TMED3: variants seen among roughly 807,000 people sequenced by gnomAD.
TMED3 encodes the protein transmembrane p24 trafficking protein 3, also known as transmembrane emp24 domain-containing protein 3.
TMED3 carries 9 observed loss-of-function variants against 15.0 expected under a neutral mutation model. The ratio of observed to expected loss-of-function variants is 0.60; its 90% CI spans 0.36 to 1.04. TMED3 has a LOEUF of 1.04. Ranked by LOEUF, TMED3 falls within the 50% of genes least tolerant of loss-of-function variation. TMED3 has a pLI of 0.01. For missense variants in TMED3, 267 were observed against 278.9 expected (o/e 0.96, Z 0.30); for synonymous variants, 117 against 121.4 (o/e 0.96, Z 0.24).
At chr15:79,353,340 A>G (rs1267824855) in intron 2 of TMED3, among the ~76,000 whole-genome samples, 1 of 85,592 alleles carries the variant, frequency 1.2e-5, no homozygotes, top group African/African-American at 4.7e-5. Flanking sequence ...TATATTATGT[A>G]TATAAAATAT....
Position 79,311,234 on chromosome 15 carries a change from C to A in TMED3, c.-16C>A. The A allele has an allele frequency of 6.3e-7, 1 of 1,588,726 alleles. No individual in the cohort carries two copies. Among genetic ancestry groups the A allele is most frequent in the Non-Finnish European group, 8.5e-7 (1 of 1,171,282 alleles). Reference sequence around the variant, plus strand: ...AGCGCCCGAGCCGCGGCCCTCGAGACGGGACCGAGAGCATCATGGGCAGCA... The same window carrying A: ...AGCGCCCGAGCCGCGGCCCTCGAGAAGGGACCGAGAGCATCATGGGCAGCA... On this transcript the variant is annotated 5_prime_UTR_variant, in exon 1 of 3. Transcript: ENST00000299705.
chr15:79,409,674 T>C (rs1567041923), intron 2 of TMED3, among the ~76,000 whole-genome samples: 1 of 152,220 alleles, frequency 6.6e-6, no homozygotes, highest in Non-Finnish European at 1.5e-5. Context: ...GTCTGAATGT[T>C]TTCCTCAGCC....
At chr15:79,389,686 T>C (rs936109142) in intron 2 of TMED3, among the ~76,000 whole-genome samples, 3 of 152,196 alleles carry the variant, frequency 2.0e-5, no homozygotes, top group Non-Finnish European at 4.4e-5. Flanking sequence ...TTTGGCAGTA[T>C]GGTCGTTTTC....
downstream of TMED3, among the ~76,000 whole-genome samples, chr15:79,326,244 G>C (rs1233603983): frequency 1.3e-5 from 2 of 152,222 alleles, no homozygotes; most frequent in Non-Finnish European, 2.9e-5. Flanking sequence ...AAAAGGATAT[G>C]CTATGTGGAG....
chr15:79,322,092 C>T lies in TMED3; in HGVS notation c.532C>T (p.Arg178Ter), dbSNP rs768864108. ...DRARAEDLNS[R>*]VSYWSVGETI... The stretch of plus-strand genomic sequence containing the variant: ...GGCCCGAGCAGAAGACCTTAATAGC[C>T]GAGTCTCTTACTGGTCTGTTGGCGA... Residue 178 changes from arginine to a stop codon, truncating the protein, a stop_gained, in exon 3 of 3, where the codon CGA (arginine) becomes TGA (stop). Coordinates refer to ENST00000299705, the MANE Select transcript of TMED3 (RefSeq NM_007364.4). LOFTEE classifies it high-confidence loss of function. 22 of 1,614,102 alleles carry T rather than the reference C, an allele frequency of 1.4e-5. No homozygotes were observed. Among genetic ancestry groups the T allele is most frequent in the Non-Finnish European group, 1.7e-5 (20 of 1,180,048 alleles).
chr15:79,354,770 G>A (rs1403569528), intron 2 of TMED3, among the ~76,000 whole-genome samples: 6 of 152,124 alleles, frequency 3.9e-5, no homozygotes, highest in Non-Finnish European at 5.9e-5. Context: ...CCAGGAGGCC[G>A]AAGCCACATA....
chr15:79,350,262 A>T (rs1240760385), intron 2 of TMED3, among the ~76,000 whole-genome samples: 1 of 152,200 alleles, frequency 6.6e-6, no homozygotes, highest in East Asian at 1.9e-4. Context: ...AAGTAACAGG[A>T]TATATGTATA....
At position 79,395,946 on chromosome 15, in the gene TMED3, A is replaced by G. The variant is rs954155336; in HGVS notation, c.418-15454A>G. On this transcript the variant is annotated intron_variant, in intron 2 of 2. Transcript: ENST00000424155. ...TTGGATCAGTTGTTGCTGATAAGTC[A>G]TGGTCAGTCTAAATGACAATCTGGG... Among the ~76,000 whole-genome samples the G allele has an allele frequency of 2.6e-5, 4 of 152,242 alleles. No individual in the cohort carries two copies. In the East Asian group the frequency reaches 7.7e-4, roughly 29 times the overall value.
chr15:79,325,933 A>G (rs1567024251), downstream of TMED3, among the ~76,000 whole-genome samples: 1 of 152,150 alleles, frequency 6.6e-6, no homozygotes, highest in East Asian at 1.9e-4. Context: ...GTGCCCACCC[A>G]CATTGAGGGT....
At chr15:79,317,771 C>T (rs976470355) in intron 2 of TMED3, among the ~76,000 whole-genome samples, 3 of 152,192 alleles carry the variant, frequency 2.0e-5, no homozygotes, top group Admixed American at 1.3e-4. Flanking sequence ...TCCCTCCAGT[C>T]CACTCTTCCC....
At chr15:79,382,297 A>G (rs187881963) in intron 2 of TMED3, among the ~76,000 whole-genome samples, 3 of 152,320 alleles carry the variant, frequency 2.0e-5, no homozygotes, top group Admixed American at 1.3e-4. Context: ...TGAACAGCTT[A>G]GCAGGCATTA....
At chr15:79,319,534 G>A (rs1259088848) in intron 2 of TMED3, among the ~76,000 whole-genome samples, 1 of 152,204 alleles carries the variant, frequency 6.6e-6, no homozygotes, top group African/African-American at 2.4e-5. Context: ...GGGTGGATGG[G>A]TTTTCTCCCT....
Position 79,408,210 on chromosome 15 carries a change from C to T in TMED3, c.418-3190C>T, listed in dbSNP as rs556481977. Among the ~76,000 whole-genome samples, 4 of 152,346 alleles carry T rather than the reference C, an allele frequency of 2.6e-5. No individual in the cohort carries two copies. The South Asian group carries it at 8.3e-4, about 32-fold the overall frequency. On this transcript the variant is annotated intron_variant, in intron 2 of 2. Transcript: ENST00000424155. Reference sequence around the variant, plus strand: ...GTGTGAAATCCCTCTCTGCTCACATCACTCTACAGAGATCTTCCTTATGCA... The same window carrying T: ...GTGTGAAATCCCTCTCTGCTCACATTACTCTACAGAGATCTTCCTTATGCA...
At chr15:79,394,756 T>C (rs1893741229) in intron 2 of TMED3, among the ~76,000 whole-genome samples, 1 of 152,190 alleles carries the variant, frequency 6.6e-6, no homozygotes, top group Non-Finnish European at 1.5e-5. Flanking sequence ...TTCTGACTAC[T>C]CCAGTTTTAT....
intron 2 of TMED3, among the ~76,000 whole-genome samples, chr15:79,388,976 A>G (rs1022997568): frequency 2.0e-5 from 3 of 152,000 alleles, no homozygotes; most frequent in Non-Finnish European, 4.4e-5. Context: ...TTTGTTGTAG[A>G]TTCTGGATAT....
intron 2 of TMED3, among the ~76,000 whole-genome samples, chr15:79,377,724 TG>T (rs1489829282): frequency 6.7e-6 from 1 of 150,128 alleles, no homozygotes; most frequent in Non-Finnish European, 1.5e-5. Context: ...CTCGGCTCGC[TG>T]CAAGCTCCGC....
intron 2 of TMED3, among the ~76,000 whole-genome samples, chr15:79,377,822 A>T (rs1013679170): frequency 1.1e-4 from 17 of 151,218 alleles, no homozygotes; most frequent in African/African-American, 4.1e-4. Context: ...AATTTTTTGT[A>T]CTTTTAGTAG....
intron 2 of TMED3, among the ~76,000 whole-genome samples, chr15:79,352,673 A>AG (rs1555422865): frequency 1.4e-5 from 2 of 141,734 alleles, no homozygotes; most frequent in Non-Finnish European, 3.0e-5. Context: ...AGAAAAAAAA[A>AG]ATATATATAT....
intron 2 of TMED3, among the ~76,000 whole-genome samples, chr15:79,392,702 CTTAG>C (rs537170392): frequency 6.0e-4 from 92 of 152,226 alleles, no homozygotes; most frequent in African/African-American, 2.1e-3. Context: ...TGATAATGTG[CTTAG>C]TTAATTTTTG....
Sources: gnomAD v4.1 joint callset for allele counts (sites outside exome capture counted in the v4.1 genomes callset) on GRCh38, gnomAD v4.1.1 for gene constraint, MANE v1.5 for transcripts, NCBI Gene and HGNC (gene_info 2026-07-23, HGNC 2026-07-21) for gene names.